The following MAMDC2 variants were observed in gnomAD, a reference collection of about 807,000 sequenced individuals.
The protein encoded by MAMDC2 is MAM domain containing 2, also known as MAM domain-containing protein 2.
Under a neutral mutation model 89.8 loss-of-function variants are expected in MAMDC2, and 57 were observed. The observed-to-expected ratio is 0.63, with a 90% CI of 0.51 to 0.79. MAMDC2 has a LOEUF of 0.79. MAMDC2 is among the 30% of genes least tolerant of loss of function. The pLI is 0.00. For missense variants in MAMDC2, 800 were observed against 820.6 expected, an observed-to-expected ratio of 0.97 and a Z score of 0.31; for synonymous variants, 313 against 293.4, an observed-to-expected ratio of 1.07 and a Z score of -0.68.
At chr9:70,065,002 T>C (rs184762903) in intron 2 of MAMDC2, among the ~76,000 whole-genome samples, 5 of 152,194 alleles carry the variant, frequency 3.3e-5, no homozygotes, top group African/African-American at 9.6e-5. Flanking sequence ...TGAATTAATA[T>C]TTAGGGAAAA....
At chr9:70,192,599 G>T (rs903939613) in intron 11 of MAMDC2, among the ~76,000 whole-genome samples, 1 of 152,088 alleles carries the variant, frequency 6.6e-6, no homozygotes, top group African/African-American at 2.4e-5. Flanking sequence ...CTGCCTAAGA[G>T]ACCATGGAAT....
In MAMDC2 at chr9:70,109,975, G is replaced by A. The variant is rs551048088; in HGVS notation, c.505+171G>A. The stretch of plus-strand genomic sequence containing the variant: ...TTCATTTGAATACTGTATGTTTTTT[G>A]TCTTTAGTGTGGGAAGGCTCATTAG... On this transcript the variant is annotated intron_variant, in intron 4 of 13. Transcript: ENST00000377182. 2.6e-5 allele frequency among the ~76,000 whole-genome samples: 4 copies of A among 152,178 alleles called. No homozygotes were observed. In the South Asian group the frequency reaches 8.3e-4, roughly 32 times the overall value.
chr9:70,085,347 T>C (rs1827746052), intron 2 of MAMDC2, among the ~76,000 whole-genome samples: 1 of 151,878 alleles, frequency 6.6e-6, no homozygotes, highest in South Asian at 2.1e-4. Context: ...CATCAAGGGG[T>C]GGTGCCAACT....
At chr9:70,155,542 T>C (rs969451073) in intron 9 of MAMDC2, among the ~76,000 whole-genome samples, 4 of 152,234 alleles carry the variant, frequency 2.6e-5, no homozygotes, top group Non-Finnish European at 5.9e-5. Flanking sequence ...TCAATCTCCA[T>C]TAGTCCTTTG....
intron 11 of MAMDC2, among the ~76,000 whole-genome samples, chr9:70,203,951 AT>A (rs2033161997): frequency 1.6e-5 from 2 of 128,928 alleles, no homozygotes; most frequent in South Asian, 6.5e-4. Flanking sequence ...CTAGTTATAC[AT>A]TCTTCTAAAT....
chr9:70,199,254 T>C (rs1396823944), intron 11 of MAMDC2, among the ~76,000 whole-genome samples: 6 of 107,610 alleles, frequency 5.6e-5, no homozygotes, highest in Admixed American at 1.3e-4. Context: ...CCTGTGTCCA[T>C]GTGATCTCAT....
chr9:70,131,902 C>G (rs1161401694), intron 7 of MAMDC2, among the ~76,000 whole-genome samples: 1 of 152,200 alleles, frequency 6.6e-6, no homozygotes, highest in Admixed American at 6.5e-5. Flanking sequence ...CTCACACACT[C>G]ACTCCATCTT....
At chr9:70,215,495 C>A (rs1564002950) in intron 11 of MAMDC2, among the ~76,000 whole-genome samples, 1 of 152,336 alleles carries the variant, frequency 6.6e-6, no homozygotes. Flanking sequence ...ATCAAAGACA[C>A]TCCCACAATT....
chr9:70,168,539 G>A, intron 9 of MAMDC2, 163 bp from the exon 10 acceptor site: 1 of 588,212 alleles, frequency 1.7e-6, no homozygotes, highest in Admixed American at 3.0e-5. Context: ...TTATGCAGAT[G>A]GTAACCATTC....
intron 6 of MAMDC2, among the ~76,000 whole-genome samples, chr9:70,127,064 A>G (rs1212397649): frequency 1.3e-5 from 2 of 152,210 alleles, no homozygotes; most frequent in African/African-American, 4.8e-5. Flanking sequence ...GAGGACTACT[A>G]ACATTAAAGT....
chr9:70,224,252 G>T (rs1460208363), intron 12 of MAMDC2, among the ~76,000 whole-genome samples: 1 of 152,104 alleles, frequency 6.6e-6, no homozygotes, highest in Non-Finnish European at 1.5e-5. Context: ...CACAGAAGGT[G>T]AGAGAGATAT....
At chr9:70,127,646 C>G (rs1172132502) in intron 6 of MAMDC2, among the ~76,000 whole-genome samples, 1 of 151,468 alleles carries the variant, frequency 6.6e-6, no homozygotes. Flanking sequence ...GGCGTGCCTG[C>G]CTCTCCCCAC....
intron 11 of MAMDC2, among the ~76,000 whole-genome samples, chr9:70,207,935 T>C (rs1229250664): frequency 6.6e-6 from 1 of 152,300 alleles, no homozygotes; most frequent in Admixed American, 6.5e-5. Context: ...AAAGATCAGA[T>C]GGTTGTAGAT....
intron 5 of MAMDC2, among the ~76,000 whole-genome samples, chr9:70,120,524 CTT>C (rs1358411603): frequency 6.6e-6 from 1 of 152,186 alleles, no homozygotes; most frequent in Non-Finnish European, 1.5e-5. Flanking sequence ...TAACCCAACT[CTT>C]TATAGAAACC....
intron 11 of MAMDC2, among the ~76,000 whole-genome samples, chr9:70,195,487 A>G (rs2148854): frequency 0.91 from 138,226 of 152,078 alleles, 63,027 homozygotes; most frequent in East Asian, 0.98. Context: ...GCAAAAAGCC[A>G]TGGTCTGAAA....
chr9:70,218,728 AG>A (rs1387710448), intron 12 of MAMDC2, 132 bp downstream of exon 12: 5 of 1,010,014 alleles, frequency 5.0e-6, no homozygotes, highest in Non-Finnish European at 6.9e-6. Context: ...ATTAAGAGGG[AG>A]TAAACATAAT....
At chr9:70,150,545 T>A (rs1458880752) in intron 9 of MAMDC2, among the ~76,000 whole-genome samples, 1 of 152,232 alleles carries the variant, frequency 6.6e-6, no homozygotes, top group South Asian at 2.1e-4. Context: ...GTACCTACTT[T>A]GTGCTGGGCA....
intron 11 of MAMDC2, among the ~76,000 whole-genome samples, chr9:70,214,428 C>A (rs1489194990): frequency 6.6e-6 from 1 of 152,186 alleles, no homozygotes; most frequent in Non-Finnish European, 1.5e-5. Flanking sequence ...GGCCAAGCAA[C>A]ACAGTAAGTG....
At chr9:70,133,455 C>CTTCCGCACAGAACT (rs2030883236) in intron 7 of MAMDC2, among the ~76,000 whole-genome samples, 1 of 152,240 alleles carries the variant, frequency 6.6e-6, no homozygotes, top group Non-Finnish European at 1.5e-5. Flanking sequence ...AAAGCACAGA[C>CTTCCGCACAGAACT]TCCTTCTGTG....
Sources: gnomAD v4.1 joint callset for allele counts (sites outside exome capture counted in the v4.1 genomes callset) on GRCh38, gnomAD v4.1.1 for gene constraint, MANE v1.5 for transcripts, NCBI Gene and HGNC (gene_info 2026-07-23, HGNC 2026-07-21) for gene names.